The following IL1R2 variants were observed in gnomAD, a reference collection of about 807,000 sequenced individuals.
The protein encoded by IL1R2 is interleukin 1 receptor type 2, also known as interleukin-1 receptor type 2.
IL1R2 carries 46 observed loss-of-function variants against 39.5 expected under a neutral mutation model. The ratio of observed to expected loss-of-function variants is 1.16; its 90% CI spans 0.92 to 1.49. The LOEUF (loss-of-function observed/expected upper bound fraction) is 1.49, where lower values mean the gene tolerates loss of function less well. Ranked by LOEUF, IL1R2 falls within the 40% of genes most tolerant of loss-of-function variation. The pLI, the probability that IL1R2 is intolerant of heterozygous loss-of-function variation, is 0.00. For synonymous variants in IL1R2, 207 were observed against 189.6 expected (o/e 1.09, Z -0.75); for missense variants, 537 against 502.0 (o/e 1.07, Z -0.67).
At chr2:102,026,614 TG>T (rs1254762466) in intron 8 of IL1R2, among the ~76,000 whole-genome samples, 1 of 152,156 alleles carries the variant, frequency 6.6e-6, no homozygotes, top group African/African-American at 2.4e-5. Flanking sequence ...ATCCTGAAGA[TG>T]AGAAACTTCA....
rs770757717 is a variant in IL1R2 at position 102,009,901 on chromosome 2, C to T, written c.332+75C>T. On this transcript the variant is annotated intron_variant, in intron 3 of 8. Transcript: ENST00000332549. ...CTTGTGAGGGTCTTCAGTCATGATC[C>T]GGATCTCAGAATCCAGTGTACAAAA... The T allele has an allele frequency of 4.5e-5, 68 of 1,502,556 alleles. No homozygotes were observed. The East Asian group carries it at 5.9e-4, about 13-fold the overall frequency. 93.1% of individuals were successfully genotyped at this position (1,502,556 alleles called of 1,614,324 possible).
intron 5 of IL1R2, among the ~76,000 whole-genome samples, chr2:102,020,846 A>T (rs1056903791): frequency 6.6e-6 from 1 of 152,182 alleles, no homozygotes; most frequent in African/African-American, 2.4e-5. Flanking sequence ...CCAGGATCTC[A>T]GTGGCTCTCA....
At chr2:101,995,022 CT>C (rs558080170) in intron 1 of IL1R2, among the ~76,000 whole-genome samples, 17 of 152,304 alleles carry the variant, frequency 1.1e-4, no homozygotes, top group African/African-American at 4.1e-4. Context: ...TAATTCCCTC[CT>C]TGTGGGATGT....
Position 102,026,177 on chromosome 2 carries a change from G to A in IL1R2, c.954G>A (p.Glu318=). The A allele has an allele frequency of 6.2e-7, 1 of 1,612,178 alleles. No homozygotes were observed. The highest frequency in any genetic ancestry group is 1.1e-5 in the South Asian group (1 of 90,994). The change falls in exon 8 of 9, where the codon GAG becomes GAA. Residue 318 remains glutamate, a synonymous_variant. Transcript: ENST00000332549. ...VPLIFDPVTR[E]DLHMDFKCVV... ...TGATTTTTGATCCTGTCACAAGAGA[G>A]GATTTGCACATGGATTTTAAATGTG...
At chr2:102,019,974 GT>G (rs1410447175) in intron 5 of IL1R2, among the ~76,000 whole-genome samples, 162 bp downstream of exon 5, 1 of 152,222 alleles carries the variant, frequency 6.6e-6, no homozygotes, top group African/African-American at 2.4e-5. Context: ...TAAGACGTGT[GT>G]GATACTTTGA....
intron 3 of IL1R2, among the ~76,000 whole-genome samples, chr2:102,010,340 G>A (rs756234680): frequency 1.1e-4 from 16 of 152,106 alleles, no homozygotes; most frequent in Non-Finnish European, 1.8e-4. Context: ...TTGGGCGGCC[G>A]AAGAGGGTGG....
intron 3 of IL1R2, among the ~76,000 whole-genome samples, chr2:102,014,233 T>C (rs3218888): frequency 0.17 from 26,222 of 152,190 alleles, 2,731 homozygotes; most frequent in East Asian, 0.29. Flanking sequence ...GACCTCTTTG[T>C]AGCTGTACAG....
At position 102,002,717 on chromosome 2, in the gene IL1R2, T is replaced by TATGC. The variant is rs1559412789; in HGVS notation, c.-61-5798_-61-5797insATGC. Among the ~76,000 whole-genome samples the TATGC allele has an allele frequency of 3.6e-4, 55 of 152,178 alleles. 1 individual carries two copies. Among genetic ancestry groups the TATGC allele is most frequent in the African/African-American group, 1.3e-3 (54 of 41,476 alleles). ...GTCTATGTCTAGGTCTATGTCTATG[T>TATGC]CTATGCCTATGCCTATGTCTATGTC... On this transcript the variant is annotated intron_variant, in intron 1 of 8. Transcript: ENST00000332549.
At chr2:102,008,262 A>G (rs895187676) in intron 1 of IL1R2, among the ~76,000 whole-genome samples, 7 of 152,244 alleles carry the variant, frequency 4.6e-5, no homozygotes, top group Non-Finnish European at 8.8e-5. Context: ...CTCTGCAGAG[A>G]CAGCAGCTTA....
At chr2:102,023,369 C>A (rs1454658909) in intron 6 of IL1R2, 1 of 152,250 alleles carries the variant, frequency 6.6e-6, no homozygotes, top group African/African-American at 2.4e-5. Context: ...CCTACTGGAG[C>A]CCCAGTGTTC....
intron 5 of IL1R2, 44 bp from the exon 6 acceptor site, chr2:102,022,143 G>A: frequency 6.6e-7 from 1 of 1,515,776 alleles, no homozygotes; most frequent in Non-Finnish European, 9.2e-7. Flanking sequence ...AGCGTCAAAT[G>A]AAGGCTTTCC....
intron 6 of IL1R2, among the ~76,000 whole-genome samples, chr2:102,024,271 G>T (rs572575086): frequency 6.6e-6 from 1 of 152,284 alleles, no homozygotes; most frequent in South Asian, 2.1e-4. Context: ...TGGGAGCGCA[G>T]GGGCCCTGGT....
Position 102,022,392 on chromosome 2 carries a change from T to C in IL1R2, c.751+143T>C, listed in dbSNP as rs570616689. On this transcript the variant is annotated intron_variant, in intron 6 of 8. Transcript: ENST00000332549. ...CTGGGTGGAGACCTTAGAACTCCAGTGTGTGAGGCTGGAATAACAAGTGTG... is the reference window on the plus strand; with the variant it reads ...CTGGGTGGAGACCTTAGAACTCCAGCGTGTGAGGCTGGAATAACAAGTGTG... 83 of 705,238 alleles carry C rather than the reference T, an allele frequency of 1.2e-4. 1 individual carries two copies. The highest frequency in any genetic ancestry group is 1.1e-3 in the South Asian group (67 of 60,940). 43.7% of individuals were successfully genotyped at this position (705,238 alleles called of 1,614,324 possible).
At position 101,996,908 on chromosome 2, in the gene IL1R2, GC is replaced by G. The variant is rs1206926969; in HGVS notation, c.-62+4898del. Reference sequence around the variant, plus strand: ...GCTCTAAAGGCCCTTTCCCACTAGGGCAGGGGAATTAAGCCTGCTGCTACAT... The same window carrying G: ...GCTCTAAAGGCCCTTTCCCACTAGGGAGGGGAATTAAGCCTGCTGCTACAT... On this transcript the variant is annotated intron_variant, in intron 1 of 8. Transcript: ENST00000332549. Among the ~76,000 whole-genome samples, 4 of 126,818 alleles carry G rather than the reference GC, an allele frequency of 3.2e-5. No individual in the cohort carries two copies. In the East Asian group the frequency reaches 8.2e-4, roughly 26 times the overall value. 83.2% of individuals were successfully genotyped at this position (126,818 alleles called of 152,430 possible). A position where few individuals can be genotyped will look rare whatever the true frequency, so the allele number is the denominator to read the frequency against.
Position 102,014,978 on chromosome 2 carries a change from C to A in IL1R2, c.333-893C>A, listed in dbSNP as rs12616583. On this transcript the variant is annotated intron_variant, in intron 3 of 8. Coordinates refer to ENST00000332549, the MANE Select transcript of IL1R2 (RefSeq NM_004633.4). ...TAATAATAATAATAATAATAATAAT[C>A]ATATAATAATAAAGCAAACTTACCA... 5.3e-3 allele frequency among the ~76,000 whole-genome samples: 472 copies of A among 89,882 alleles called. 2 individuals are homozygous for A. The highest frequency in any genetic ancestry group is 0.036 in the East Asian group (90 of 2,516). 59.0% of individuals were successfully genotyped at this position (89,882 alleles called of 152,430 possible).
chr2:102,015,995 C>T lies in IL1R2; in HGVS notation c.457C>T (p.Pro153Ser). 1 of 1,613,924 alleles carries T rather than the reference C, an allele frequency of 6.2e-7. No homozygotes were observed. ...TLSTSGVLVC[P>S]DLSEFTRDKT... ...GTCAACCTCTGGGGTATTAGTATGC[C>T]CTGACCTGAGTGAATTCACCCGTGA... The change falls in exon 4 of 9, where the codon CCT becomes TCT. Residue 153 changes from proline (P) to serine (S), a missense_variant. Pro to Ser is a moderately conservative substitution (Grantham distance 74). Transcript: ENST00000332549.
rs1185417296 is a variant in IL1R2, at chr2:102,008,608, T to G, written c.33T>G (p.Val11=). The stretch of plus-strand genomic sequence containing the variant: ...GCTTGTACGTGTTGGTAATGGGAGT[T>G]TCTGCCTTCACCCTTCAGCCTGCGG... MLRLYVLVMG[V]SAFTLQPAAH... The change falls in exon 2 of 9, where the codon GTT becomes GTG. Residue 11 remains valine, a synonymous_variant. Transcript: ENST00000332549. 3 of 1,614,014 alleles carry G rather than the reference T, an allele frequency of 1.9e-6. No homozygotes were observed. Among genetic ancestry groups the G allele is most frequent in the Non-Finnish European group, 2.5e-6 (3 of 1,180,018 alleles).
At chr2:102,013,912 T>A (rs1676824393) in intron 3 of IL1R2, among the ~76,000 whole-genome samples, 1 of 152,102 alleles carries the variant, frequency 6.6e-6, no homozygotes, top group Non-Finnish European at 1.5e-5. Context: ...TGATACACCA[T>A]GTGCTCAGAA....
intron 1 of IL1R2, among the ~76,000 whole-genome samples, chr2:102,006,300 G>C (rs577129003): frequency 2.0e-5 from 3 of 152,298 alleles, no homozygotes; most frequent in East Asian, 3.9e-4. Flanking sequence ...TATGGTTAGG[G>C]GTAAAGTCAC....
Sources: gnomAD v4.1 joint callset for allele counts (sites outside exome capture counted in the v4.1 genomes callset) on GRCh38, gnomAD v4.1.1 for gene constraint, MANE v1.5 for transcripts, NCBI Gene and HGNC (gene_info 2026-07-23, HGNC 2026-07-21) for gene names.